CLDN16: variants seen among roughly 807,000 people sequenced by gnomAD.
The protein encoded by CLDN16 is claudin 16.
CLDN16 carries 13 observed loss-of-function variants against 24.6 expected under a neutral mutation model. That is an observed-to-expected ratio of 0.53 (90% CI 0.34 to 0.84). The LOEUF is 0.84. CLDN16 is among the 40% of genes least tolerant of loss of function. The probability of loss-of-function intolerance (pLI) is 0.01; values close to 1 mark genes in which losing one functional copy is unlikely to be tolerated. For missense variants in CLDN16, 298 were observed against 292.7 expected (o/e 1.02, Z -0.13); for synonymous variants, 116 against 106.7 (o/e 1.09, Z -0.54).
At chr3:190,390,818 C>T (rs561135190) in intron 1 of CLDN16, among the ~76,000 whole-genome samples, 5 of 152,062 alleles carry the variant, frequency 3.3e-5, no homozygotes, top group South Asian at 4.1e-4. Context: ...TTTGGTCTCA[C>T]GCTGTCACCC....
At chr3:190,323,405 T>G (rs1389037998) in intron 1 of CLDN16, among the ~76,000 whole-genome samples, 2 of 152,172 alleles carry the variant, frequency 1.3e-5, no homozygotes, top group East Asian at 3.9e-4. Context: ...GCTTTTACTG[T>G]GACTGGCTAT....
At chr3:190,363,554 G>GCTTATATATA (rs10663299) in intron 1 of CLDN16, among the ~76,000 whole-genome samples, 2 of 81,364 alleles carry the variant, frequency 2.5e-5, no homozygotes, top group African/African-American at 9.5e-5. Flanking sequence ...GTGTGTGTGT[G>GCTTATATATA]TGTATATATA....
At chr3:190,371,963 G>A (rs780066990) in intron 2 of CLDN16, among the ~76,000 whole-genome samples, 136 of 151,972 alleles carry the variant, frequency 8.9e-4, no homozygotes, top group Admixed American at 3.5e-3. Context: ...AAGTTTTTGC[G>A]TCTGTGCTCT....
At chr3:190,334,908 G>A (rs889845884) in intron 1 of CLDN16, among the ~76,000 whole-genome samples, 3 of 152,176 alleles carry the variant, frequency 2.0e-5, no homozygotes, top group Non-Finnish European at 2.9e-5. Flanking sequence ...CATCTAGGCA[G>A]TAGAATCTCT....
chr3:190,320,169 A>G (rs768691696), upstream of CLDN16, among the ~76,000 whole-genome samples: 1 of 152,268 alleles, frequency 6.6e-6, no homozygotes. Context: ...ACACATTATC[A>G]TGTGTAAGGA....
At chr3:190,299,506 CTTTAA>C in the CLDN16 span, among the ~76,000 whole-genome samples, 1 of 151,336 alleles carries the variant, frequency 6.6e-6, no homozygotes, top group Non-Finnish European at 1.5e-5. Flanking sequence ...TAGAAAAATT[CTTTAA>C]TTTATGGTAA....
At chr3:190,373,041 T>G (rs565557807) in intron 2 of CLDN16, among the ~76,000 whole-genome samples, 3 of 152,124 alleles carry the variant, frequency 2.0e-5, no homozygotes, top group African/African-American at 7.2e-5. Flanking sequence ...TTGTTCTGCC[T>G]TCCAGTCCCT....
At chr3:190,341,297 A>G (rs1717427708) in intron 1 of CLDN16, among the ~76,000 whole-genome samples, 5 of 152,184 alleles carry the variant, frequency 3.3e-5, no homozygotes, top group Admixed American at 3.3e-4. Flanking sequence ...TTCTGCCTGG[A>G]TATCAAGGTG....
At chr3:190,367,210 C>T (rs1050158364) in intron 1 of CLDN16, among the ~76,000 whole-genome samples, 1 of 151,916 alleles carries the variant, frequency 6.6e-6, no homozygotes, top group African/African-American at 2.4e-5. Flanking sequence ...ACTCTGATAA[C>T]TCCGAAGGTT....
At chr3:190,316,273 C>G in the CLDN16 span, among the ~76,000 whole-genome samples, 1 of 152,126 alleles carries the variant, frequency 6.6e-6, no homozygotes, top group Non-Finnish European at 1.5e-5. Context: ...TCACTTACAT[C>G]CTGGCAACTA....
the CLDN16 span, among the ~76,000 whole-genome samples, chr3:190,296,761 A>T: frequency 1.3e-5 from 2 of 151,858 alleles, no homozygotes; most frequent in African/African-American, 2.4e-5. Context: ...CGTGTTAGCC[A>T]GGATGGTCTC....
At chr3:190,319,579 T>G (rs1716862746), upstream of CLDN16, among the ~76,000 whole-genome samples, 1 of 152,114 alleles carries the variant, frequency 6.6e-6, no homozygotes, top group Non-Finnish European at 1.5e-5. Flanking sequence ...AAACAACAGA[T>G]TTTAATACTT....
At chr3:190,340,520 A>G (rs992911258) in intron 1 of CLDN16, among the ~76,000 whole-genome samples, 3 of 152,046 alleles carry the variant, frequency 2.0e-5, no homozygotes, top group Admixed American at 1.3e-4. Context: ...AAGACCTCCC[A>G]CCCATGATTC....
chr3:190,349,345 C>A (rs1560084885), intron 1 of CLDN16, among the ~76,000 whole-genome samples: 1 of 152,290 alleles, frequency 6.6e-6, no homozygotes, highest in East Asian at 1.9e-4. Context: ...TGAAGACATG[C>A]TTGCTTCCCC....
At chr3:190,354,341 C>T (rs776175596) in intron 1 of CLDN16, among the ~76,000 whole-genome samples, 1 of 151,912 alleles carries the variant, frequency 6.6e-6, no homozygotes, top group Non-Finnish European at 1.5e-5. Context: ...TGAAATGATT[C>T]CCAAGATTTC....
At chr3:190,388,925 A>C (rs1042220464) in intron 1 of CLDN16, among the ~76,000 whole-genome samples, 8 of 152,342 alleles carry the variant, frequency 5.3e-5, no homozygotes, top group East Asian at 1.9e-4. Flanking sequence ...TACCCAATTA[A>C]CATGCAAGAG....
At chr3:190,337,558 C>T (rs78788305) in intron 1 of CLDN16, among the ~76,000 whole-genome samples, 10,742 of 152,204 alleles carry the variant, frequency 0.071, 568 homozygotes, top group African/African-American at 0.14. Context: ...CTCATATACC[C>T]GATGCCATAT....
intron 1 of CLDN16, among the ~76,000 whole-genome samples, chr3:190,362,017 C>T (rs1161816962): frequency 1.3e-5 from 2 of 151,310 alleles, no homozygotes; most frequent in Non-Finnish European, 3.0e-5. Context: ...ACCAGTCTAA[C>T]CTGGTCTAAC....
chr3:190,384,591 T>C (rs1052050014), upstream of CLDN16, among the ~76,000 whole-genome samples: 1 of 152,184 alleles, frequency 6.6e-6, no homozygotes, highest in African/African-American at 2.4e-5. Context: ...CTGTTGGTCT[T>C]AGAGATCTTG....
Sources: gnomAD v4.1 joint callset for allele counts (sites outside exome capture counted in the v4.1 genomes callset) on GRCh38, gnomAD v4.1.1 for gene constraint, MANE v1.5 for transcripts, NCBI Gene and HGNC (gene_info 2026-07-23, HGNC 2026-07-21) for gene names.